Variants in ATRX observed in about 807,000 individuals in gnomAD.
ATRX encodes chromatin remodeler ATRX.
ATRX carries 12 observed loss-of-function variants against 172.6 expected under a neutral mutation model. The observed-to-expected ratio is 0.07, with a 90% CI of 0.04 to 0.11. The LOEUF (loss-of-function observed/expected upper bound fraction) is 0.11. Ranked by LOEUF, ATRX falls within the 10% of genes least tolerant of loss-of-function variation. The pLI is 1.00. For missense variants in ATRX, 1,368 were observed against 1,767.4 expected (o/e 0.77, Z 4.05); for synonymous variants, 674 against 594.7 (o/e 1.13, Z -1.94).
intron 30 of ATRX, among the ~76,000 whole-genome samples, chrX:77,537,703 T>C (rs1367941430): frequency 9.0e-6 from 1 of 110,778 alleles, no homozygotes; most frequent in Non-Finnish European, 1.9e-5. Flanking sequence ...CAGAGGTGTT[T>C]TACACCCTAA....
chrX:77,660,941 C>G (rs1557122317), intron 12 of ATRX, among the ~76,000 whole-genome samples: 1 of 112,053 alleles, frequency 8.9e-6, no homozygotes, highest in African/African-American at 3.2e-5. Context: ...ACAATTCAAC[C>G]TCCTATAAGA....
intron 30 of ATRX, among the ~76,000 whole-genome samples, chrX:77,528,236 G>T (rs1395796007): frequency 1.8e-5 from 2 of 111,899 alleles, no homozygotes; most frequent in Non-Finnish European, 3.8e-5. Context: ...TGCAGACAGA[G>T]ATCTGATCTC....
intron 27 of ATRX, among the ~76,000 whole-genome samples, chrX:77,579,387 T>C (rs2065747403): frequency 2.7e-5 from 3 of 111,772 alleles, no homozygotes; most frequent in African/African-American, 9.8e-5. Flanking sequence ...ATACCCGCAG[T>C]GGTAGTCACA....
chrX:77,568,104 T>G (rs1178245293), intron 28 of ATRX, among the ~76,000 whole-genome samples: 13 of 101,873 alleles, frequency 1.3e-4, no homozygotes, highest in African/African-American at 4.7e-4. Context: ...AGCTTCTACC[T>G]CCAGAAAGTA....
chrX:77,558,947 A>T, intron 28 of ATRX, 101 bp from the exon 29 acceptor site: 1 of 651,193 alleles, frequency 1.5e-6, no homozygotes, highest in East Asian at 3.6e-5. Context: ...TTTAACTATC[A>T]AGAGTTCAGA....
In ATRX at chrX:77,521,417, T is replaced by C; in HGVS notation, c.7057A>G (p.Ile2353Val). The change falls in exon 33 of 35, where the codon ATA becomes GTA. Residue 2353 changes from isoleucine (I) to valine (V), a missense_variant. By Grantham distance (29) the Ile-to-Val change is conservative. This residue lies in a region of ATRX where 100 missense variants were observed against 153.9 expected (regional missense o/e 0.65). Transcript: ENST00000373344. Reference sequence around the variant, plus strand: ...AATTAGCTTACTACAGCTGAAATTATATCCTCAAGAGGTTGAATCCTCACT... The same window carrying C: ...AATTAGCTTACTACAGCTGAAATTACATCCTCAAGAGGTTGAATCCTCACT... ...TAVRIQPLEDIISAVWKENMN... is the reference protein window; with the variant it reads ...TAVRIQPLEDVISAVWKENMN... 8.3e-7 allele frequency: 1 copy of C among 1,208,803 alleles called. No homozygotes were observed. Among genetic ancestry groups the C allele is most frequent in the Non-Finnish European group, 1.1e-6 (1 of 892,993 alleles).
Position 77,508,380 on chromosome X carries a change from G to C in ATRX, c.7450C>G (p.Pro2484Ala). ...ATTGATTTCCCTTGGGAAGGTCCTG[G>C]ATTTTTGCTTCTCATTGGGGGTGGT... ...RAPPPMRSKN[P>A]GPSQGKSM is the part of the protein sequence containing the mutation. Residue 2484 changes from proline to alanine, a missense_variant, in exon 35 of 35, where the codon CCA becomes GCA. Pro to Ala is a conservative substitution (Grantham distance 27). Coordinates refer to ENST00000373344, the MANE Select transcript of ATRX (RefSeq NM_000489.6). The C allele has an allele frequency of 8.3e-7, 1 of 1,211,415 alleles. No homozygotes were observed. The highest frequency in any genetic ancestry group is 1.1e-6 in the Non-Finnish European group (1 of 895,374).
intron 1 of ATRX, among the ~76,000 whole-genome samples, chrX:77,719,109 TA>T (rs1193176821): frequency 9.0e-6 from 1 of 111,232 alleles, no homozygotes; most frequent in Non-Finnish European, 1.9e-5. Context: ...CCATTTTTAA[TA>T]AAAGTCAAAA....
At chrX:77,784,182 G>A (rs782315119) in intron 1 of ATRX, among the ~76,000 whole-genome samples, 122 of 111,773 alleles carry the variant, frequency 1.1e-3, no homozygotes, top group Middle Eastern at 4.6e-3. Context: ...GTATAACTTC[G>A]GTCAAGTTCT....
At chrX:77,637,317 G>T (rs1460276311) in intron 15 of ATRX, among the ~76,000 whole-genome samples, 1 of 111,566 alleles carries the variant, frequency 9.0e-6, no homozygotes, top group African/African-American at 3.3e-5. Context: ...TATAATATAT[G>T]CACACAGGTA....
At chrX:77,540,373 C>T (rs937949504) in intron 30 of ATRX, among the ~76,000 whole-genome samples, 2 of 111,341 alleles carry the variant, frequency 1.8e-5, no homozygotes, top group Non-Finnish European at 3.8e-5. Flanking sequence ...TAGTGGGAGA[C>T]TTTAACACCC....
At chrX:77,670,611 C>T (rs1557129296) in intron 10 of ATRX, among the ~76,000 whole-genome samples, 1 of 109,306 alleles carries the variant, frequency 9.1e-6, no homozygotes, top group African/African-American at 3.3e-5. Context: ...AAAAATTAGC[C>T]GGGCATGGTG....
intron 1 of ATRX, among the ~76,000 whole-genome samples, chrX:77,783,173 G>A (rs975345153): frequency 9.0e-6 from 1 of 110,656 alleles, no homozygotes; most frequent in Non-Finnish European, 1.9e-5. Flanking sequence ...AGGCGGAGGC[G>A]GCAGTAAGCC....
chrX:77,753,915 T>C (rs1199656858), intron 1 of ATRX, among the ~76,000 whole-genome samples: 4 of 111,812 alleles, frequency 3.6e-5, no homozygotes, highest in Non-Finnish European at 1.9e-5. Flanking sequence ...GTCTCAGTGA[T>C]CTGTCTAATA....
intron 27 of ATRX, among the ~76,000 whole-genome samples, chrX:77,585,143 G>C (rs2065958928): frequency 1.8e-5 from 2 of 111,223 alleles, no homozygotes; most frequent in South Asian, 7.6e-4. Context: ...TCCAAAGTCA[G>C]GGAGTAACAA....
chrX:77,657,011 G>A (rs900382176), intron 12 of ATRX, among the ~76,000 whole-genome samples: 2 of 111,624 alleles, frequency 1.8e-5, no homozygotes, highest in African/African-American at 3.3e-5. Context: ...AGGTAGGCTG[G>A]CCAAGATGGA....
chrX:77,672,154 A>G (rs2070656051), intron 10 of ATRX, among the ~76,000 whole-genome samples: 1 of 111,445 alleles, frequency 9.0e-6, no homozygotes, highest in Non-Finnish European at 1.9e-5. Context: ...TTAATTTAAA[A>G]CGCCACCTTT....
At chrX:77,617,517 T>C (rs1162287855) in intron 21 of ATRX, among the ~76,000 whole-genome samples, 2 of 111,301 alleles carry the variant, frequency 1.8e-5, no homozygotes, top group African/African-American at 6.5e-5. Flanking sequence ...AAGTCACTTA[T>C]ATAAATAATG....
At position 77,684,920 on chromosome X, in the gene ATRX, G is replaced by C; in HGVS notation, c.662+19C>G. On this transcript the variant is annotated intron_variant, in intron 8 of 34. Transcript: ENST00000373344. ...CAAAAGTAGGAAACACTGAATGTTA[G>C]CTCATCTATATTACCTACCTACATT... 1 of 1,168,430 alleles carries C rather than the reference G, an allele frequency of 8.6e-7. No homozygotes were observed.
Sources: allele counts gnomAD v4.1 joint callset (sites outside exome capture counted in the v4.1 genomes callset), GRCh38; gene constraint gnomAD v4.1.1; regional missense constraint gnomAD v4.1.1; transcripts MANE v1.5; gene names NCBI Gene and HGNC (gene_info 2026-07-23, HGNC 2026-07-21).